The following CRYBG1 variants were observed in gnomAD, a reference collection of about 807,000 sequenced individuals.
The protein encoded by CRYBG1 is beta/gamma crystallin domain-containing protein 1.
In CRYBG1, 139 loss-of-function variants were observed where a neutral mutation model predicts 189.2. The observed-to-expected ratio is 0.73, with a 90% confidence interval of 0.64 to 0.85. The LOEUF is 0.85. Ranked by LOEUF, CRYBG1 falls within the 40% of genes least tolerant of loss-of-function variation. The pLI, the probability that CRYBG1 is intolerant of heterozygous loss-of-function variation, is 0.00. For missense variants in CRYBG1, 2,611 were observed against 2,675.8 expected (o/e 0.98, Z 0.53); for synonymous variants, 1,023 against 1,017.1 (o/e 1.01, Z -0.11).
intron 1 of CRYBG1, among the ~76,000 whole-genome samples, chr6:106,379,056 T>C (rs957639847): frequency 1.6e-4 from 24 of 151,902 alleles, no homozygotes; most frequent in African/African-American, 5.8e-4. Flanking sequence ...GACTGAGGCA[T>C]GCAAATTGCT....
At chr6:106,550,568 A>T (rs1774373694) in intron 13 of CRYBG1, among the ~76,000 whole-genome samples, 1 of 151,940 alleles carries the variant, frequency 6.6e-6, no homozygotes, top group Non-Finnish European at 1.5e-5. Flanking sequence ...AAAGAGATTT[A>T]TTTTTAGTAT....
Position 106,512,035 on chromosome 6 carries a change from G to C in CRYBG1, c.918G>C (p.Ala306=), listed in dbSNP as rs1402486607. ...APGSPTQERP[A]GGLGEAPNGA... The stretch of plus-strand genomic sequence containing the variant: ...GGTCGCCCACCCAGGAGCGGCCCGC[G>C]GGAGGACTAGGCGAGGCCCCTAACG... The change falls in exon 3 of 22, where the codon GCG becomes GCC. Residue 306 remains alanine (A), a synonymous_variant. Transcript: ENST00000633556. 6.5e-7 allele frequency: 1 copy of C among 1,530,312 alleles called. No individual in the cohort carries two copies. The highest frequency in any genetic ancestry group is 1.4e-5 in the African/African-American group (1 of 73,026). The allele number at this position is 1,530,312 out of a possible 1,614,324, so 94.8% of individuals were successfully genotyped here. A position where few individuals can be genotyped will look rare whatever the true frequency, so the allele number is the denominator to read the frequency against.
chr6:106,372,113 C>T (rs9486327), intron 1 of CRYBG1, among the ~76,000 whole-genome samples: 484 of 152,292 alleles, frequency 3.2e-3, no homozygotes, highest in African/African-American at 0.011. Flanking sequence ...GGCTACAATT[C>T]CACTAACTTA....
At chr6:106,488,160 G>A (rs1220568169) in intron 2 of CRYBG1, among the ~76,000 whole-genome samples, 1 of 152,180 alleles carries the variant, frequency 6.6e-6, no homozygotes, top group Non-Finnish European at 1.5e-5. Context: ...GGGGTCAGGG[G>A]CACTAAGCTG....
intron 2 of CRYBG1, among the ~76,000 whole-genome samples, chr6:106,478,923 G>A (rs1772388774): frequency 6.6e-6 from 1 of 152,178 alleles, no homozygotes; most frequent in African/African-American, 2.4e-5. Flanking sequence ...ACCCCCAGCT[G>A]GGACCGTCTA....
chr6:106,477,768 G>A (rs1772361342), intron 2 of CRYBG1, among the ~76,000 whole-genome samples: 1 of 152,192 alleles, frequency 6.6e-6, no homozygotes, highest in South Asian at 2.1e-4. Flanking sequence ...TTCTACCCAG[G>A]TTTTCCTGAA....
At chr6:106,385,274 C>T (rs758745695) in intron 1 of CRYBG1, among the ~76,000 whole-genome samples, 6 of 152,140 alleles carry the variant, frequency 3.9e-5, no homozygotes, top group Non-Finnish European at 4.4e-5. Flanking sequence ...CTCAAACAGA[C>T]ATGGGTTAAG....
At chr6:106,549,102 C>T (rs1030724471) in intron 13 of CRYBG1, among the ~76,000 whole-genome samples, 2 of 151,988 alleles carry the variant, frequency 1.3e-5, no homozygotes, top group Admixed American at 1.3e-4. Flanking sequence ...CATAGTATTC[C>T]ATGGTGTATA....
At chr6:106,416,325 G>GT in intron 1 of CRYBG1, among the ~76,000 whole-genome samples, 1 of 152,186 alleles carries the variant, frequency 6.6e-6, no homozygotes, top group East Asian at 1.9e-4. Context: ...TCTGTATTTG[G>GT]TTTTCTTGGG....
At chr6:106,510,237 C>T (rs894438122) in intron 2 of CRYBG1, among the ~76,000 whole-genome samples, 26 of 152,228 alleles carry the variant, frequency 1.7e-4, no homozygotes, top group African/African-American at 6.3e-4. Context: ...AATACACTTC[C>T]CTCTCCTAGG....
intron 1 of CRYBG1, among the ~76,000 whole-genome samples, chr6:106,374,620 G>A (rs144547516): frequency 4.6e-5 from 7 of 152,302 alleles, no homozygotes; most frequent in African/African-American, 1.7e-4. Context: ...CCTCACAGAG[G>A]ATGAAGAATT....
At chr6:106,495,471 A>AT (rs1181974903) in intron 2 of CRYBG1, among the ~76,000 whole-genome samples, 2 of 152,032 alleles carry the variant, frequency 1.3e-5, no homozygotes, top group Non-Finnish European at 2.9e-5. Flanking sequence ...TTGGACTTAT[A>AT]TAGTATTATT....
At chr6:106,376,411 C>T (rs1378382207) in intron 1 of CRYBG1, among the ~76,000 whole-genome samples, 1 of 152,196 alleles carries the variant, frequency 6.6e-6, no homozygotes, top group Non-Finnish European at 1.5e-5. Context: ...TGCTCAGAGG[C>T]TGTATTTAAT....
chr6:106,517,439 CAT>C (rs758727692), intron 3 of CRYBG1, among the ~76,000 whole-genome samples: 36 of 136,990 alleles, frequency 2.6e-4, no homozygotes, highest in African/African-American at 4.1e-4. Flanking sequence ...TACACACACA[CAT>C]ATATATACAC....
chr6:106,522,909 G>A (rs765558571), intron 4 of CRYBG1, among the ~76,000 whole-genome samples: 6 of 152,160 alleles, frequency 3.9e-5, no homozygotes, highest in Non-Finnish European at 7.3e-5. Context: ...GGTTTCAGAT[G>A]TTTGGTGTTA....
chr6:106,560,594 C>T (rs1582841218), intron 18 of CRYBG1, among the ~76,000 whole-genome samples: 2 of 152,262 alleles, frequency 1.3e-5, no homozygotes, highest in East Asian at 3.9e-4. Context: ...AAGAATGGAA[C>T]TTTTTGGCAT....
chr6:106,432,085 T>C (rs1771336473), intron 1 of CRYBG1, among the ~76,000 whole-genome samples: 1 of 152,226 alleles, frequency 6.6e-6, no homozygotes, highest in Admixed American at 6.5e-5. Flanking sequence ...GCAAAAATCA[T>C]TGCTGTCTTC....
At chr6:106,531,829 G>C (rs1013837853) in intron 8 of CRYBG1, among the ~76,000 whole-genome samples, 1 of 152,042 alleles carries the variant, frequency 6.6e-6, no homozygotes, top group East Asian at 1.9e-4. Flanking sequence ...ATGGCAGCCC[G>C]TCTCAGAAAA....
At chr6:106,366,528 G>A (rs1772003655) in intron 1 of CRYBG1, among the ~76,000 whole-genome samples, 2 of 152,208 alleles carry the variant, frequency 1.3e-5, no homozygotes, top group Admixed American at 1.3e-4. Context: ...GTACCTGGCA[G>A]ATAACAGAAA....
Sources: gnomAD v4.1 joint callset for allele counts (sites outside exome capture counted in the v4.1 genomes callset) on GRCh38, gnomAD v4.1.1 for gene constraint, MANE v1.5 for transcripts, NCBI Gene and HGNC (gene_info 2026-07-23, HGNC 2026-07-21) for gene names.